Variants in DLG2 observed in about 807,000 individuals in gnomAD.
DLG2 encodes disks large homolog 2.
DLG2 carries 45 observed loss-of-function variants against 132.5 expected under a neutral mutation model. That is an observed-to-expected ratio of 0.34 (90% CI 0.27 to 0.44). The LOEUF is 0.44. Among genes scored for constraint, DLG2 ranks in the 20% least tolerant of loss-of-function variants. The pLI is 1.00. For synonymous variants in DLG2, 424 were observed against 419.6 expected (o/e 1.01, Z -0.13); for missense variants, 1,045 against 1,196.9 (o/e 0.87, Z 1.87).
At chr11:84,758,216 T>A (rs1048382131) in intron 6 of DLG2, among the ~76,000 whole-genome samples, 3 of 152,330 alleles carry the variant, frequency 2.0e-5, no homozygotes, top group African/African-American at 7.2e-5. Flanking sequence ...TTGGGCAAAA[T>A]TTTACTGTGT....
intron 7 of DLG2, among the ~76,000 whole-genome samples, chr11:84,328,818 G>A (rs1178395178): frequency 6.6e-6 from 1 of 152,122 alleles, no homozygotes; most frequent in Non-Finnish European, 1.5e-5. Context: ...ATCCTAGCTG[G>A]CTGTGCTTTA....
At chr11:84,479,089 A>G (rs2099129802) in intron 7 of DLG2, among the ~76,000 whole-genome samples, 1 of 152,134 alleles carries the variant, frequency 6.6e-6, no homozygotes, top group Admixed American at 6.6e-5. Context: ...TGCTCATAAC[A>G]GAGGAAAAGT....
In DLG2 at chr11:84,240,114, G is replaced by A. The variant is rs188652493; in HGVS notation, c.573+11124C>T. On this transcript the variant is annotated intron_variant, in intron 8 of 27. Coordinates refer to ENST00000376104, the MANE Select transcript of DLG2 (RefSeq NM_001142699.3). ...CAACTTTTCAGACATTGCTTTAAAC[G>A]GACGAACAATGTCCATCTCTGTACT... 2.9e-3 allele frequency among the ~76,000 whole-genome samples: 434 copies of A among 152,270 alleles called. 4 individuals are homozygous for A. The highest frequency in any genetic ancestry group is 0.01 in the African/African-American group (419 of 41,550).
At chr11:84,560,697 T>C (rs1404730739) in intron 6 of DLG2, among the ~76,000 whole-genome samples, 1 of 152,070 alleles carries the variant, frequency 6.6e-6, no homozygotes, top group Non-Finnish European at 1.5e-5. Flanking sequence ...CATAGACTAC[T>C]ATGAGCTTTT....
intron 6 of DLG2, among the ~76,000 whole-genome samples, chr11:84,653,390 C>T (rs917728514): frequency 2.0e-5 from 3 of 152,160 alleles, no homozygotes; most frequent in African/African-American, 7.2e-5. Context: ...CCAATGCCTA[C>T]CTTGAAATCC....
chr11:85,332,843 G>T (rs2081860820), intron 3 of DLG2, among the ~76,000 whole-genome samples: 1 of 152,112 alleles, frequency 6.6e-6, no homozygotes, highest in South Asian at 2.1e-4. Flanking sequence ...ATGTTATTTT[G>T]GTTACTGTAG....
At chr11:83,670,433 T>C (rs1290413589) in intron 18 of DLG2, among the ~76,000 whole-genome samples, 1 of 152,082 alleles carries the variant, frequency 6.6e-6, no homozygotes, top group East Asian at 1.9e-4. Context: ...CAATACTTCT[T>C]GGTCACCATG....
intron 10 of DLG2, among the ~76,000 whole-genome samples, chr11:84,075,567 C>G (rs898148949): frequency 6.6e-6 from 1 of 152,090 alleles, no homozygotes; most frequent in Non-Finnish European, 1.5e-5. Context: ...GCTTGAAGAA[C>G]TTCTTAAATT....
At chr11:85,189,171 AG>A (rs1225514080) in intron 4 of DLG2, among the ~76,000 whole-genome samples, 1 of 152,208 alleles carries the variant, frequency 6.6e-6, no homozygotes, top group Non-Finnish European at 1.5e-5. Context: ...GGTGGCTAAA[AG>A]ACAGTGGAAT....
rs748244202 is a variant in DLG2, at chr11:83,686,998, C to T, written c.1826-53673G>A. 2.0e-5 allele frequency among the ~76,000 whole-genome samples: 3 copies of T among 152,124 alleles called. No individual in the cohort carries two copies. The East Asian group carries it at 5.8e-4, about 29-fold the overall frequency. ...TCTAGTTCAATATGGCTGATGTTCT[C>T]ATAAAAACAGGAAATTTGAGCACAG... On this transcript the variant is annotated intron_variant, in intron 18 of 27. Transcript: ENST00000376104.
chr11:84,435,475 T>C (rs962295835), intron 7 of DLG2, among the ~76,000 whole-genome samples: 12 of 152,184 alleles, frequency 7.9e-5, no homozygotes, highest in African/African-American at 2.9e-4. Context: ...CATGACCTAA[T>C]GTTCAAAATT....
chr11:83,883,361 A>G (rs2154077168), intron 15 of DLG2, among the ~76,000 whole-genome samples: 1 of 152,252 alleles, frequency 6.6e-6, no homozygotes, highest in South Asian at 2.1e-4. Context: ...TTTTTTCTGA[A>G]GTTCTATTTC....
intron 21 of DLG2, among the ~76,000 whole-genome samples, chr11:83,527,004 C>G (rs746024543): frequency 4.6e-5 from 7 of 152,214 alleles, no homozygotes; most frequent in Non-Finnish European, 1.0e-4. Context: ...ACTTATCAAG[C>G]TGCCTTGTAT....
intron 19 of DLG2, among the ~76,000 whole-genome samples, chr11:83,584,778 AGAATGGAG>A (rs1379771076): frequency 6.6e-6 from 1 of 152,206 alleles, no homozygotes; most frequent in Non-Finnish European, 1.5e-5. Context: ...GGACAAGGTG[AGAATGGAG>A]GCATAAAGCA....
At chr11:84,832,943 G>A (rs761649284) in intron 6 of DLG2, among the ~76,000 whole-genome samples, 1 of 151,452 alleles carries the variant, frequency 6.6e-6, no homozygotes, top group Non-Finnish European at 1.5e-5. Context: ...CTGTGCCAGG[G>A]TATATCACCT....
At chr11:85,542,967 G>C (rs905645387) in intron 3 of DLG2, among the ~76,000 whole-genome samples, 7 of 152,120 alleles carry the variant, frequency 4.6e-5, no homozygotes, top group African/African-American at 1.7e-4. Flanking sequence ...CTGTTGCTAG[G>C]TGTAGCTATA....
At chr11:84,724,589 G>A (rs900051535) in intron 6 of DLG2, among the ~76,000 whole-genome samples, 2 of 152,092 alleles carry the variant, frequency 1.3e-5, no homozygotes, top group Non-Finnish European at 2.9e-5. Flanking sequence ...CCTTTTACCA[G>A]TATAGCACTG....
chr11:83,531,295 A>G (rs779767238), intron 21 of DLG2, among the ~76,000 whole-genome samples: 12 of 152,008 alleles, frequency 7.9e-5, no homozygotes, highest in Non-Finnish European at 1.6e-4. Flanking sequence ...TATATAAAGA[A>G]CTTCTGCAAC....
At chr11:84,644,406 T>C (rs1361244505) in intron 6 of DLG2, among the ~76,000 whole-genome samples, 10 of 152,066 alleles carry the variant, frequency 6.6e-5, no homozygotes, top group East Asian at 1.9e-4. Flanking sequence ...TATACATACA[T>C]GTAAGATGTC....
Sources: gnomAD v4.1 joint callset for allele counts (sites outside exome capture counted in the v4.1 genomes callset) on GRCh38, gnomAD v4.1.1 for gene constraint, MANE v1.5 for transcripts, NCBI Gene and HGNC (gene_info 2026-07-23, HGNC 2026-07-21) for gene names.